The following PEX7 variants were observed in gnomAD, a reference collection of about 807,000 sequenced individuals.
PEX7 encodes PTS2 receptor.
In PEX7, 34 loss-of-function variants were observed where a neutral mutation model predicts 47.5. The ratio of observed to expected loss-of-function variants is 0.72; its 90% confidence interval spans 0.54 to 0.95. PEX7 has a LOEUF of 0.95. PEX7 is among the 40% of genes least tolerant of loss of function. The probability of loss-of-function intolerance (pLI) is 0.00; values close to 1 mark genes in which losing one functional copy is unlikely to be tolerated. For missense variants in PEX7, 394 were observed against 400.3 expected, an observed-to-expected ratio of 0.98 and a Z score of 0.13; for synonymous variants, 141 against 148.8, an observed-to-expected ratio of 0.95 and a Z score of 0.38.
At chr6:136,835,301 T>G (rs549213725) in intron 3 of PEX7, among the ~76,000 whole-genome samples, 80 of 151,840 alleles carry the variant, frequency 5.3e-4, no homozygotes, top group African/African-American at 1.9e-3. Context: ...TTTCTTTTTT[T>G]TTTTTGAGAC....
intron 9 of PEX7, among the ~76,000 whole-genome samples, chr6:136,910,585 T>C (rs1165453958): frequency 6.6e-6 from 1 of 152,180 alleles, no homozygotes; most frequent in Non-Finnish European, 1.5e-5. Context: ...AAAGTTTGAC[T>C]AAAAAGTCTA....
At chr6:136,836,238 AG>A (rs1401629280) in intron 3 of PEX7, among the ~76,000 whole-genome samples, 1 of 141,758 alleles carries the variant, frequency 7.1e-6, no homozygotes, top group Non-Finnish European at 1.6e-5. Flanking sequence ...ACATAAAGAG[AG>A]GAATAGAAGC....
At chr6:136,865,193 G>A (rs1775037631) in intron 5 of PEX7, among the ~76,000 whole-genome samples, 1 of 152,106 alleles carries the variant, frequency 6.6e-6, no homozygotes, top group Non-Finnish European at 1.5e-5. Flanking sequence ...GCTCATACCT[G>A]TAATCCCAGT....
intron 8 of PEX7, among the ~76,000 whole-genome samples, chr6:136,894,289 T>A (rs561719311): frequency 2.0e-5 from 3 of 152,190 alleles, no homozygotes; most frequent in Admixed American, 2.0e-4. Flanking sequence ...AAACCCCGTC[T>A]CTACTAAAAA....
chr6:136,910,818 T>G (rs1325514108), intron 9 of PEX7, among the ~76,000 whole-genome samples: 1 of 152,244 alleles, frequency 6.6e-6, no homozygotes, highest in Non-Finnish European at 1.5e-5. Flanking sequence ...TTTTACTGCC[T>G]ACCTTGTTTC....
At chr6:136,911,474 C>T (rs139880937) in intron 9 of PEX7, among the ~76,000 whole-genome samples, 7 of 152,046 alleles carry the variant, frequency 4.6e-5, no homozygotes, top group African/African-American at 1.4e-4. Flanking sequence ...GGCATGATCT[C>T]GGCTCACTGC....
intron 3 of PEX7, among the ~76,000 whole-genome samples, chr6:136,835,725 A>G (rs1774373729): frequency 6.6e-6 from 1 of 152,198 alleles, no homozygotes; most frequent in African/African-American, 2.4e-5. Context: ...TAAGTGTTCA[A>G]TTCTAATGAC....
rs3799475 is a variant in PEX7, at chr6:136,855,836, T to C, written c.526+9655T>C. 5.2e-4 allele frequency: 137 copies of C among 263,678 alleles called. 1 individual carries two copies. In the East Asian group the frequency reaches 0.011, roughly 21 times the overall value. The allele number at this position is 263,678 out of a possible 1,614,324, so 16.3% of individuals were successfully genotyped here. ...TGGCAAAGTGGAAAGAGGGTATTGA[T>C]TTGTTTTTAATCATTGTTCTCTTTA... On this transcript the variant is annotated intron_variant, in intron 5 of 9. Coordinates refer to ENST00000318471, the MANE Select transcript of PEX7 (RefSeq NM_000288.4).
chr6:136,912,875 T>C (rs1173471189), intron 9 of PEX7, among the ~76,000 whole-genome samples: 2 of 152,214 alleles, frequency 1.3e-5, no homozygotes, highest in African/African-American at 4.8e-5. Context: ...TGTTTTCCTA[T>C]GGCTCTGTAG....
At chr6:136,835,739 C>T (rs572265998) in intron 3 of PEX7, among the ~76,000 whole-genome samples, 6 of 152,068 alleles carry the variant, frequency 3.9e-5, no homozygotes, top group Non-Finnish European at 8.8e-5. Flanking sequence ...TAATGACCTT[C>T]GTAAGTGTGT....
At chr6:136,850,336 T>A (rs1004795457) in intron 5 of PEX7, among the ~76,000 whole-genome samples, 1 of 152,186 alleles carries the variant, frequency 6.6e-6, no homozygotes, top group Non-Finnish European at 1.5e-5. Flanking sequence ...TGTCTTTTAA[T>A]TGGAGCATTT....
chr6:136,836,621 T>C lies in PEX7; in HGVS notation c.340-8994T>C, dbSNP rs558315183. Among the ~76,000 whole-genome samples, 7 of 152,308 alleles carry C rather than the reference T, an allele frequency of 4.6e-5. No individual in the cohort carries two copies. The East Asian group carries it at 1.3e-3, about 29-fold the overall frequency. On this transcript the variant is annotated intron_variant, in intron 3 of 9. Transcript: ENST00000318471. ...TCAAGTGACTTTAAAAACCCAGTAT[T>C]GTGATTATACATTCCTAATAAGATC...
chr6:136,823,141 A>T, intron 1 of PEX7: 1 of 985,358 alleles, frequency 1.0e-6, no homozygotes, highest in Non-Finnish European at 1.2e-6. Flanking sequence ...GGTCCCTTGG[A>T]TCGGTCCGCT....
At position 136,898,258 on chromosome 6, in the gene PEX7, C is replaced by G; in HGVS notation, c.903+17C>G. The stretch of plus-strand genomic sequence containing the variant: ...CCCACTCAGGTAACGGATACAATCT[C>G]ATGATATTCTCTTCTGCCCAAGTTC... On this transcript the variant is annotated intron_variant, in intron 9 of 9. Transcript: ENST00000318471. The G allele has an allele frequency of 7.1e-7, 1 of 1,417,016 alleles. No homozygotes were observed. The highest frequency in any genetic ancestry group is 1.1e-5 in the South Asian group (1 of 87,122). 87.8% of individuals were successfully genotyped at this position (1,417,016 alleles called of 1,614,324 possible).
chr6:136,880,503 C>T (rs1271115892), intron 8 of PEX7, among the ~76,000 whole-genome samples: 3 of 152,198 alleles, frequency 2.0e-5, no homozygotes, highest in African/African-American at 7.2e-5. Context: ...CTGTCCTTGC[C>T]ATTCACACAG....
At chr6:136,840,687 T>C (rs898740045) in intron 3 of PEX7, among the ~76,000 whole-genome samples, 14 of 152,208 alleles carry the variant, frequency 9.2e-5, no homozygotes, top group Admixed American at 2.6e-4. Context: ...TGGTTGATGG[T>C]TGTAACCTCT....
At chr6:136,854,553 A>G (rs1404481959) in intron 5 of PEX7, among the ~76,000 whole-genome samples, 1 of 152,144 alleles carries the variant, frequency 6.6e-6, no homozygotes, top group African/African-American at 2.4e-5. Flanking sequence ...CTGTAAGTTG[A>G]CCACAGTTCA....
At chr6:136,862,691 G>A (rs2115207581) in intron 5 of PEX7, among the ~76,000 whole-genome samples, 1 of 152,238 alleles carries the variant, frequency 6.6e-6, no homozygotes, top group African/African-American at 2.4e-5. Flanking sequence ...AATTTTATAA[G>A]TTGTAAATGC....
chr6:136,846,790 G>A (rs191753844), intron 5 of PEX7, among the ~76,000 whole-genome samples: 17 of 152,208 alleles, frequency 1.1e-4, no homozygotes, highest in South Asian at 6.2e-4. Flanking sequence ...TGTGCATAGC[G>A]CCGCAGTAAA....
Sources: gnomAD v4.1 joint callset for allele counts (sites outside exome capture counted in the v4.1 genomes callset) on GRCh38, gnomAD v4.1.1 for gene constraint, MANE v1.5 for transcripts, NCBI Gene and HGNC (gene_info 2026-07-23, HGNC 2026-07-21) for gene names.